Variants in DISP1 observed in about 807,000 individuals in gnomAD.
DISP1 encodes the protein dispatched RND transporter family member 1.
Under a neutral mutation model 37.3 loss-of-function variants are expected in DISP1, and 30 were observed. The ratio of observed to expected loss-of-function variants is 0.80; its 90% CI spans 0.60 to 1.09. DISP1 has a LOEUF of 1.09. Ranked by LOEUF, DISP1 falls within the 50% of genes least tolerant of loss-of-function variation. DISP1 has a pLI of 0.00. For synonymous variants in DISP1, 634 were observed against 690.2 expected (o/e 0.92, Z 1.28); for missense variants, 1,598 against 1,879.5 (o/e 0.85, Z 2.77).
chr1:222,847,725 A>G (rs1418247475), intron 1 of DISP1, among the ~76,000 whole-genome samples: 4 of 152,094 alleles, frequency 2.6e-5, no homozygotes, highest in Non-Finnish European at 4.4e-5. Flanking sequence ...CCCAATAGCC[A>G]TGTGCAACCC....
intron 3 of DISP1, among the ~76,000 whole-genome samples, chr1:222,972,630 T>C (rs1171642768): frequency 6.6e-6 from 1 of 152,166 alleles, no homozygotes; most frequent in Non-Finnish European, 1.5e-5. Context: ...TCTTTCTGTT[T>C]CTCTATCTGA....
In DISP1 at chr1:222,984,421, A is replaced by ATATATAT. The variant is rs796974033; in HGVS notation, c.539+1312_539+1313insTATATAT. ...TCTGTCTCAAAAAAAAAAAAAAAAA[A>ATATATAT]ATATATATATATATAGAGAGAGAGA... On this transcript the variant is annotated intron_variant, in intron 4 of 8. Transcript: ENST00000675850. Among the ~76,000 whole-genome samples the ATATATAT allele has an allele frequency of 5.4e-4, 57 of 105,772 alleles. 2 individuals are homozygous for ATATATAT. The highest frequency in any genetic ancestry group is 2.0e-3 in the African/African-American group (52 of 25,702). The allele number at this position is 105,772 out of a possible 152,430, so 69.4% of individuals were successfully genotyped here. A position where few individuals can be genotyped will look rare whatever the true frequency, so the allele number is the denominator to read the frequency against.
intron 1 of DISP1, among the ~76,000 whole-genome samples, chr1:222,916,848 G>T (rs906116841): frequency 2.0e-5 from 3 of 152,144 alleles, no homozygotes; most frequent in East Asian, 3.9e-4. Context: ...TATTGTTTCA[G>T]GCTGAAAGAG....
intron 2 of DISP1, among the ~76,000 whole-genome samples, chr1:222,935,565 A>G (rs1328886667): frequency 6.6e-6 from 1 of 152,160 alleles, no homozygotes; most frequent in African/African-American, 2.4e-5. Flanking sequence ...TAGGAGGATC[A>G]ACTCAAGTGA....
chr1:223,003,591 G>A lies in DISP1; in HGVS notation c.2194G>A (p.Gly732Arg). 6.2e-7 allele frequency: 1 copy of A among 1,614,154 alleles called. No homozygotes were observed. Among genetic ancestry groups the A allele is most frequent in the Non-Finnish European group, 8.5e-7 (1 of 1,180,024 alleles). ...LFWFLALTVG[G>R]AYIVCINPKM... ...TTGGTTCCTTGCCTTAACTGTAGGT[G>A]GGGCCTACATTGTATGTATAAATCC... Residue 732 changes from glycine to arginine, a missense_variant, in exon 9 of 9, where the codon GGG becomes AGG. Transcript: ENST00000675850. This position sits in a 1 kb window ranked among gnomAD's most constrained non-coding sequence, Gnocchi z 4.3.
intron 4 of DISP1, among the ~76,000 whole-genome samples, chr1:222,987,750 A>C (rs1678383624): frequency 6.6e-6 from 1 of 152,228 alleles, no homozygotes; most frequent in Admixed American, 6.5e-5. Context: ...TTAATAGGTA[A>C]AAATGCATAA....
intron 3 of DISP1, among the ~76,000 whole-genome samples, chr1:222,970,210 G>A (rs1676830271): frequency 7.0e-6 from 1 of 143,572 alleles, no homozygotes; most frequent in South Asian, 2.2e-4. Flanking sequence ...ATTTCCTACA[G>A]TGTGACATGC....
At chr1:222,967,831 C>G (rs549559276) in intron 3 of DISP1, among the ~76,000 whole-genome samples, 121 of 152,246 alleles carry the variant, frequency 7.9e-4, no homozygotes, top group African/African-American at 2.8e-3. Flanking sequence ...GAACTGAAAG[C>G]CCCTTCAGGA....
chr1:222,938,899 A>G (rs1188640549), intron 2 of DISP1, among the ~76,000 whole-genome samples: 2 of 152,096 alleles, frequency 1.3e-5, no homozygotes, highest in Non-Finnish European at 2.9e-5. Context: ...ACCTACCCAA[A>G]TGCATCCATT....
rs776280819 is a variant in DISP1 at position 222,942,959 on chromosome 1, A to G, written c.136A>G (p.Thr46Ala). 12 of 1,614,184 alleles carry G rather than the reference A, an allele frequency of 7.4e-6. No homozygotes were observed. In the Admixed American group the frequency reaches 8.3e-5, roughly 11 times the overall value. Residue 46 changes from threonine to alanine, a missense_variant, in exon 3 of 9, where the codon ACA (threonine) becomes GCA (alanine). Transcript: ENST00000675850. ...AAQQLTPKEA[T>A]RTKVSPNGCL... is the part of the protein sequence containing the mutation. ...CCAGCAGCTCACACCCAAAGAAGCA[A>G]CAAGAACAAAAGTGAGTCCAAATGG... is the stretch of plus-strand genomic sequence containing the variant.
chr1:222,914,758 G>A (rs1316317149), intron 1 of DISP1, among the ~76,000 whole-genome samples: 4 of 152,034 alleles, frequency 2.6e-5, no homozygotes, highest in African/African-American at 9.7e-5. Flanking sequence ...CAAGAAGTTC[G>A]AGACCAGCCT....
chr1:222,830,127 G>A (rs1273972837), intron 1 of DISP1, among the ~76,000 whole-genome samples: 1 of 152,136 alleles, frequency 6.6e-6, no homozygotes, highest in Non-Finnish European at 1.5e-5. Flanking sequence ...TGTTCCTTAA[G>A]TGGGTCATGT....
chr1:222,884,245 C>G (rs947922062), intron 1 of DISP1, among the ~76,000 whole-genome samples: 1 of 151,974 alleles, frequency 6.6e-6, no homozygotes, highest in Admixed American at 6.6e-5. Flanking sequence ...TTCCTGGGTT[C>G]CCAGCTTTTC....
chr1:222,854,574 G>A (rs1264526812), intron 1 of DISP1, among the ~76,000 whole-genome samples: 1 of 152,036 alleles, frequency 6.6e-6, no homozygotes, highest in Non-Finnish European at 1.5e-5. Flanking sequence ...ATATCATTAG[G>A]ATGCTTGAGT....
chr1:223,000,912 T>G (rs1283901633), intron 8 of DISP1, among the ~76,000 whole-genome samples: 1 of 152,202 alleles, frequency 6.6e-6, no homozygotes, highest in East Asian at 1.9e-4. Context: ...CACTTCCTCT[T>G]TGAACTTTGG....
chr1:222,922,099 T>G (rs549891889), intron 1 of DISP1, among the ~76,000 whole-genome samples: 1 of 151,958 alleles, frequency 6.6e-6, no homozygotes, highest in African/African-American at 2.4e-5. Context: ...GCACTGAGGG[T>G]GTGAGGGTGT....
chr1:222,956,072 AG>A (rs1675572791), intron 3 of DISP1, among the ~76,000 whole-genome samples: 1 of 152,202 alleles, frequency 6.6e-6, no homozygotes, highest in African/African-American at 2.4e-5. Flanking sequence ...GTAAGAAGCA[AG>A]GATGGACAGT....
In DISP1 at chr1:223,005,136, G is replaced by A. The variant is rs9441940; in HGVS notation, c.3739G>A (p.Ala1247Thr). 0.16 allele frequency: 256,026 copies of A among 1,614,050 alleles called. 22,294 individuals are homozygous for A. Among genetic ancestry groups the A allele is most frequent in the Non-Finnish European group, 0.18 (214,282 of 1,179,994 alleles). ...SELSKSTESD[A>T]GSALLQPPLE... is the part of the protein sequence containing the mutation. The stretch of plus-strand genomic sequence containing the variant: ...ACTCAGCAAAAGCACTGAAAGTGAC[G>A]CTGGCTCTGCCTTGTTACAGCCCCC... The change falls in exon 9 of 9, where the codon GCT becomes ACT. Residue 1247 changes from alanine to threonine, a missense_variant. By Grantham distance (58) the Ala-to-Thr change is moderately conservative. Transcript: ENST00000675850.
At chr1:222,956,632 C>CTT (rs141189876) in intron 3 of DISP1, among the ~76,000 whole-genome samples, 2,030 of 151,770 alleles carry the variant, frequency 0.013, 45 homozygotes, top group African/African-American at 0.046. Flanking sequence ...AATTGCATTG[C>CTT]TTTTTTTTAA....
Sources: gnomAD v4.1 joint callset for allele counts (sites outside exome capture counted in the v4.1 genomes callset) on GRCh38, gnomAD v4.1.1 for gene constraint, Gnocchi (gnomAD v3.1) non-coding constraint, MANE v1.5 for transcripts, NCBI Gene and HGNC (gene_info 2026-07-23, HGNC 2026-07-21) for gene names.